The following GAN variants were observed in gnomAD, a reference collection of about 807,000 sequenced individuals.
GAN encodes the protein epididymis secretory sperm binding protein.
In GAN, 48 loss-of-function variants were observed where a neutral mutation model predicts 71.3. That is an observed-to-expected ratio of 0.67 (90% CI 0.53 to 0.86). GAN has a LOEUF of 0.86. GAN is among the 40% of genes least tolerant of loss of function. The pLI is 0.00. For synonymous variants in GAN, 386 were observed against 276.8 expected (o/e 1.39, Z -3.92); for missense variants, 928 against 770.1 (o/e 1.21, Z -2.43).
chr16:81,329,486 C>G (rs201733000), intron 1 of GAN, among the ~76,000 whole-genome samples: 2 of 152,192 alleles, frequency 1.3e-5, no homozygotes, highest in Non-Finnish European at 2.9e-5. Context: ...AGAAAAGTAT[C>G]TCTTTATCTT....
At chr16:81,326,834 A>C (rs1456929233) in intron 1 of GAN, among the ~76,000 whole-genome samples, 2 of 152,216 alleles carry the variant, frequency 1.3e-5, no homozygotes, top group Non-Finnish European at 2.9e-5. Flanking sequence ...ATGGCATGAT[A>C]ATCTTACGGG....
chr16:81,365,306 C>T (rs903684371), intron 8 of GAN, 44 bp from the exon 9 acceptor site: 2 of 1,613,020 alleles, frequency 1.2e-6, no homozygotes, highest in Non-Finnish European at 1.7e-6. Context: ...TGAGATCTCG[C>T]ATTGTACAGC....
At chr16:81,371,556 G>A (rs915661636) in intron 9 of GAN, among the ~76,000 whole-genome samples, 13 of 152,118 alleles carry the variant, frequency 8.5e-5, no homozygotes, top group African/African-American at 3.1e-4. Flanking sequence ...TCGAAGCCTC[G>A]GTCATAAGCA....
At chr16:81,376,664 G>GTA in intron 9 of GAN, among the ~76,000 whole-genome samples, 1 of 113,008 alleles carries the variant, frequency 8.8e-6, no homozygotes, top group East Asian at 2.7e-4. Flanking sequence ...GTATATATGT[G>GTA]TGTATATACA....
intron 5 of GAN, among the ~76,000 whole-genome samples, chr16:81,361,998 T>C (rs9929793): frequency 0.21 from 32,287 of 152,194 alleles, 4,856 homozygotes; most frequent in East Asian, 0.68. Flanking sequence ...TTAAATGTTT[T>C]ATCCAGCAAA....
At position 81,348,027 on chromosome 16, in the gene GAN, A is replaced by T. The variant is rs13337612; in HGVS notation, c.168-3556A>T. On this transcript the variant is annotated intron_variant, in intron 1 of 10. Transcript: ENST00000648994. ...TTTAAAAAATTATTTAATAAATTTT[A>T]AAAAAAATAGAGGTGGGGTGTCGCT... 3.4e-3 allele frequency among the ~76,000 whole-genome samples: 522 copies of T among 151,888 alleles called. 3 individuals carry two copies. The highest frequency in any genetic ancestry group is 0.011 in the African/African-American group (466 of 41,480).
intron 2 of GAN, among the ~76,000 whole-genome samples, chr16:81,354,052 A>G (rs1321286240): frequency 1.3e-5 from 2 of 152,216 alleles, no homozygotes; most frequent in Admixed American, 1.3e-4. Flanking sequence ...TGACTTTACC[A>G]TAGAATGTAG....
chr16:81,316,686 C>G (rs138031437), intron 1 of GAN, among the ~76,000 whole-genome samples: 4 of 152,192 alleles, frequency 2.6e-5, no homozygotes, highest in Admixed American at 2.6e-4. Context: ...TGTTATAGTT[C>G]TTTAAATGGC....
chr16:81,353,410 C>T (rs1004721026), intron 2 of GAN, among the ~76,000 whole-genome samples: 2 of 151,982 alleles, frequency 1.3e-5, no homozygotes, highest in Non-Finnish European at 2.9e-5. Context: ...GAAGAGTCTA[C>T]AGCTGCCTGC....
At chr16:81,362,342 C>T (rs1910702402) in intron 5 of GAN, among the ~76,000 whole-genome samples, 157 bp from the exon 6 acceptor site, 1 of 152,198 alleles carries the variant, frequency 6.6e-6, no homozygotes, top group South Asian at 2.1e-4. Flanking sequence ...TTGGCTCCAT[C>T]ACCAAGGATC....
At chr16:81,338,774 C>G (rs1009676384) in intron 1 of GAN, among the ~76,000 whole-genome samples, 4 of 152,194 alleles carry the variant, frequency 2.6e-5, no homozygotes, top group African/African-American at 9.7e-5. Flanking sequence ...TGGCAGAAGG[C>G]TGTGGAGCAA....
intron 1 of GAN, among the ~76,000 whole-genome samples, chr16:81,333,487 C>A (rs991831701): frequency 5.9e-5 from 9 of 152,176 alleles, no homozygotes; most frequent in Admixed American, 2.0e-4. Context: ...TAGTTAGGGA[C>A]AACTGGGGAG....
At position 81,384,300 on chromosome 16, in the gene GAN, TAAAAAA is replaced by T. The variant is rs59504477; in HGVS notation, c.*6715_*6720del. 1 of 123,684 alleles carries T rather than the reference TAAAAAA, an allele frequency of 8.1e-6. No individual in the cohort carries two copies. The highest frequency in any genetic ancestry group is 1.8e-5 in the Non-Finnish European group (1 of 56,970). 7.7% of individuals were successfully genotyped at this position (123,684 alleles called of 1,614,324 possible). A position where few individuals can be genotyped will look rare whatever the true frequency, so the allele number is the denominator to read the frequency against. On this transcript the variant is annotated 3_prime_UTR_variant, in exon 11 of 11. Transcript: ENST00000648994. ...AAGGCCTGTTTTCCATTTTACTACT[TAAAAAA>T]AAAAAAAAAAGAAAAGAAAAAAAAG...
chr16:81,355,851 A>G (rs1910467990), intron 3 of GAN, among the ~76,000 whole-genome samples: 1 of 152,226 alleles, frequency 6.6e-6, no homozygotes, highest in Admixed American at 6.5e-5. Context: ...TGAATTCTGT[A>G]AGCCCATAAG....
Position 81,378,068 on chromosome 16 carries a change from C to G in GAN, c.*472C>G, listed in dbSNP as rs1816122. On this transcript the variant is annotated 3_prime_UTR_variant, in exon 11 of 11. Coordinates refer to ENST00000648994, the MANE Select transcript of GAN (RefSeq NM_022041.4). ...ACTTGGAAGGATATATTATGCCTAA[C>G]CCTGCCCAACAAATTAAGGTTTGTG... 0.63 allele frequency: 128,463 copies of G among 204,854 alleles called. 40,542 individuals are homozygous for G. The highest frequency in any genetic ancestry group is 0.82 in the East Asian group (7,383 of 8,958). The allele number at this position is 204,854 out of a possible 1,614,324, so 12.7% of individuals were successfully genotyped here.
rs1904429128 is a variant in GAN at position 81,387,235 on chromosome 16, C to A, written c.*9639C>A. ...CGTCTCGGTTCAAGAAAGCACGTTG[C>A]TATATGAAATTTCAGAAAAAAGTTT... On this transcript the variant is annotated 3_prime_UTR_variant, in exon 11 of 11. Transcript: ENST00000648994. 6.6e-6 allele frequency: 1 copy of A among 152,062 alleles called. No homozygotes were observed. 9.4% of individuals were successfully genotyped at this position (152,062 alleles called of 1,614,324 possible).
chr16:81,345,731 G>T (rs1021751920), intron 1 of GAN, among the ~76,000 whole-genome samples: 5 of 152,136 alleles, frequency 3.3e-5, no homozygotes, highest in African/African-American at 1.2e-4. Context: ...GTAACCCAGA[G>T]CTTAAAGTAT....
At chr16:81,336,648 T>TTTA (rs144990675) in intron 1 of GAN, among the ~76,000 whole-genome samples, 35 of 147,426 alleles carry the variant, frequency 2.4e-4, no homozygotes, top group Non-Finnish European at 2.5e-4. Context: ...TTTTTTTTTT[T>TTTA]AATTTTCTTT....
At chr16:81,343,196 G>C (rs1277962149) in intron 1 of GAN, among the ~76,000 whole-genome samples, 1 of 151,516 alleles carries the variant, frequency 6.6e-6, no homozygotes, top group Non-Finnish European at 1.5e-5. Flanking sequence ...GTTCTATAAA[G>C]AGGAGCTGGT....
Sources: gnomAD v4.1 joint callset for allele counts (sites outside exome capture counted in the v4.1 genomes callset) on GRCh38, gnomAD v4.1.1 for gene constraint, MANE v1.5 for transcripts, NCBI Gene and HGNC (gene_info 2026-07-23, HGNC 2026-07-21) for gene names.